Variants in OC90 observed in about 807,000 individuals in gnomAD.
OC90 encodes the protein otoconin-90.
In OC90, 46 loss-of-function variants were observed where a neutral mutation model predicts 47.3. The observed-to-expected ratio is 0.97, with a 90% CI of 0.77 to 1.24. OC90 has a LOEUF of 1.24. Among genes scored for constraint, OC90 ranks in the 50% most tolerant of loss-of-function variants. The pLI is 0.00. For missense variants in OC90, 688 were observed against 583.9 expected, an observed-to-expected ratio of 1.18 and a Z score of -1.84; for synonymous variants, 271 against 219.5, an observed-to-expected ratio of 1.23 and a Z score of -2.07.
intron 3 of OC90, among the ~76,000 whole-genome samples, chr8:132,045,402 G>A (rs555577670): frequency 1.3e-5 from 2 of 152,044 alleles, no homozygotes; most frequent in Admixed American, 6.5e-5. Context: ...GAAAATTTTC[G>A]CTTCCCCGGG....
chr8:132,037,504 T>C lies in OC90; in HGVS notation c.629-16A>G, dbSNP rs1243062718. 19 of 1,569,240 alleles carry C rather than the reference T, an allele frequency of 1.2e-5. No homozygotes were observed. Among genetic ancestry groups the C allele is most frequent in the Non-Finnish European group, 1.6e-5 (18 of 1,155,958 alleles). On this transcript the variant is annotated splice_polypyrimidine_tract_variant and intron_variant, in intron 8 of 13. Coordinates refer to ENST00000254627, the MANE Select transcript of OC90 (RefSeq NM_001080399.3). ...ACAGGAACCACTGGAAAAAGAGAGTTCCCAATAGCAGTGACTCATGCAACA... is the reference window on the plus strand; with the variant it reads ...ACAGGAACCACTGGAAAAAGAGAGTCCCCAATAGCAGTGACTCATGCAACA...
At position 132,045,881 on chromosome 8, in the gene OC90, C is replaced by T. The variant is rs573476690; in HGVS notation, c.49G>A (p.Gly17Ser). The change falls in exon 3 of 14, where the codon GGC (glycine) becomes AGC (serine). Residue 17 changes from glycine (G) to serine (S), a missense_variant and splice_region_variant. Transcript: ENST00000254627. ...TSVLMIPHAG[G>S]HPLDTPHLPQ... ...AGATGTGGAGTGTCCAGAGGATGGC[C>T]TCCTATAAATAAGGAAGAGAAAGTA... 6.5e-7 allele frequency: 1 copy of T among 1,533,932 alleles called. No homozygotes were observed. The highest frequency in any genetic ancestry group is 8.8e-7 in the Non-Finnish European group (1 of 1,130,894).
rs144645492 is a variant in OC90, at chr8:132,046,844, T to A, written c.47-961A>T. ...CAAAGGGCCATCCTTCACAGAAGCA[T>A]GTTAGACTAAATCTGTTCAGGAAGA... On this transcript the variant is annotated intron_variant, in intron 2 of 13. Transcript: ENST00000254627. Among the ~76,000 whole-genome samples the A allele has an allele frequency of 2.0e-5, 3 of 152,296 alleles. No homozygotes were observed. The East Asian group carries it at 5.8e-4, about 29-fold the overall frequency.
chr8:132,053,668 G>T (rs755768757), intron 2 of OC90, among the ~76,000 whole-genome samples: 3 of 152,218 alleles, frequency 2.0e-5, no homozygotes, highest in Non-Finnish European at 4.4e-5. Flanking sequence ...CAAACATGCA[G>T]AGGACAAGGG....
intron 13 of OC90, among the ~76,000 whole-genome samples, chr8:132,028,031 G>T (rs946615200): frequency 2.0e-5 from 3 of 152,096 alleles, no homozygotes; most frequent in Non-Finnish European, 4.4e-5. Flanking sequence ...GCTACCTCGG[G>T]ATACTGTTTT....
chr8:132,031,850 C>T (rs1285079520), intron 12 of OC90, 31 bp downstream of exon 12: 7 of 1,598,820 alleles, frequency 4.4e-6, no homozygotes, highest in Non-Finnish European at 5.1e-6. Context: ...AGCACTACTA[C>T]ACCAGAGCTG....
At position 132,024,687 on chromosome 8, in the gene OC90, G is replaced by T. The variant is rs767708935; in HGVS notation, c.1228C>A (p.Leu410Ile). ...CACCCGAGTCTGCTTGGGGACTTGA[G>T]GCTTTGGTTAAAGGAGGCAGAGGTC... ...CMTSASFNQS[L>I]KSPSRLGCPG... Residue 410 changes from leucine to isoleucine, a missense_variant, in exon 14 of 14, where the codon CTC becomes ATC. Coordinates refer to ENST00000254627, the MANE Select transcript of OC90 (RefSeq NM_001080399.3). 1.0e-4 allele frequency: 166 copies of T among 1,613,612 alleles called. No individual in the cohort carries two copies. The highest frequency in any genetic ancestry group is 1.4e-4 in the Non-Finnish European group (166 of 1,179,824).
At chr8:132,028,686 G>GAAAGAGAA (rs1554613375) in intron 13 of OC90, among the ~76,000 whole-genome samples, 2 of 126,996 alleles carry the variant, frequency 1.6e-5, no homozygotes, top group Non-Finnish European at 3.2e-5. Context: ...AAGAAAGAAA[G>GAAAGAGAA]AGAAAGAAAG....
At chr8:132,032,208 T>A (rs1468304684) in intron 11 of OC90, among the ~76,000 whole-genome samples, 156 bp from the exon 12 acceptor site, 2 of 152,204 alleles carry the variant, frequency 1.3e-5, no homozygotes, top group Non-Finnish European at 2.9e-5. Context: ...CTGGGAAAGC[T>A]GTTATGGCTC....
At chr8:132,055,569 G>A (rs1823270716) in intron 1 of OC90, among the ~76,000 whole-genome samples, 1 of 152,242 alleles carries the variant, frequency 6.6e-6, no homozygotes, top group African/African-American at 2.4e-5. Flanking sequence ...CCTTTGGCAT[G>A]TAGGTTTTGA....
intron 9 of OC90, among the ~76,000 whole-genome samples, chr8:132,037,128 A>T (rs1293186875): frequency 1.3e-5 from 2 of 152,250 alleles, no homozygotes; most frequent in East Asian, 3.8e-4. Flanking sequence ...TTTATGCTAC[A>T]GTAGCAGAGC....
At chr8:132,046,017 G>C in intron 2 of OC90, 134 bp from the exon 3 acceptor site, 1 of 644,758 alleles carries the variant, frequency 1.6e-6, no homozygotes, top group Non-Finnish European at 2.8e-6. Context: ...ATTTCCTAGA[G>C]CCTGCTATGC....
intron 12 of OC90, among the ~76,000 whole-genome samples, chr8:132,030,909 C>A (rs1232505338): frequency 1.3e-5 from 2 of 152,164 alleles, no homozygotes; most frequent in African/African-American, 4.8e-5. Context: ...ATTACTGTGT[C>A]CTTTGTGTTA....
intron 12 of OC90, 111 bp from the exon 13 acceptor site, chr8:132,029,290 C>T: frequency 1.2e-6 from 1 of 805,020 alleles, no homozygotes; most frequent in Non-Finnish European, 2.1e-6. Flanking sequence ...GAAGCCAGTG[C>T]CTCCTTTCCA....
At chr8:132,041,295 T>G (rs1332022871) in intron 5 of OC90, 139 bp from the exon 6 acceptor site, 2 of 665,538 alleles carry the variant, frequency 3.0e-6, no homozygotes, top group African/African-American at 3.6e-5. Flanking sequence ...AAATGAAGTT[T>G]TGCATAACAG....
At chr8:132,043,051 T>C (rs1823077235) in intron 4 of OC90, among the ~76,000 whole-genome samples, 1 of 152,214 alleles carries the variant, frequency 6.6e-6, no homozygotes, top group Non-Finnish European at 1.5e-5. Flanking sequence ...AAAGAAAATG[T>C]GGTACAAATA....
In OC90 at chr8:132,041,025, G is replaced by A. The variant is rs1823044694; in HGVS notation, c.457+19C>T. 2 of 1,452,674 alleles carry A rather than the reference G, an allele frequency of 1.4e-6. No individual in the cohort carries two copies. Among genetic ancestry groups the A allele is most frequent in the Middle Eastern group, 1.7e-4 (1 of 5,810 alleles). 90.0% of individuals were successfully genotyped at this position (1,452,674 alleles called of 1,614,324 possible). A position where few individuals can be genotyped will look rare whatever the true frequency, so the allele number is the denominator to read the frequency against. On this transcript the variant is annotated intron_variant, in intron 6 of 13. Coordinates refer to ENST00000254627, the MANE Select transcript of OC90 (RefSeq NM_001080399.3). ...GTCATTTCTGGGCCCAGGCCCCTGGGACACCTGGAGATGCTTACCACATAT... is the reference window on the plus strand; with the variant it reads ...GTCATTTCTGGGCCCAGGCCCCTGGAACACCTGGAGATGCTTACCACATAT...
At chr8:132,028,593 A>AGGAAGGAAGGAAGGAAGGAAGGAG (rs1563727447) in intron 13 of OC90, among the ~76,000 whole-genome samples, 22 of 35,712 alleles carry the variant, frequency 6.2e-4, no homozygotes, top group East Asian at 4.1e-3. Flanking sequence ...GAAGGAAGGA[A>AGGAAGGAAGGAAGGAAGGAAGGAG]GGAAGGAGGG....
chr8:132,052,295 T>G (rs779102022), intron 2 of OC90, among the ~76,000 whole-genome samples: 109 of 152,316 alleles, frequency 7.2e-4, no homozygotes, highest in Admixed American at 1.5e-3. Context: ...ACAAAGCTCA[T>G]GTACTTGCTC....
Sources: allele counts gnomAD v4.1 joint callset (sites outside exome capture counted in the v4.1 genomes callset), GRCh38; gene constraint gnomAD v4.1.1; transcripts MANE v1.5; gene names NCBI Gene and HGNC (gene_info 2026-07-23, HGNC 2026-07-21).